Variants in TNN observed in about 807,000 individuals in gnomAD.
The protein encoded by TNN is tenascin-N.
TNN carries 122 observed loss-of-function variants against 134.4 expected under a neutral mutation model. The ratio of observed to expected loss-of-function variants is 0.91; its 90% CI spans 0.78 to 1.06. The LOEUF (loss-of-function observed/expected upper bound fraction) is 1.06, where lower values mean the gene tolerates loss of function less well. Ranked by LOEUF, TNN falls within the 50% of genes least tolerant of loss-of-function variation. The pLI is 0.00. For missense variants in TNN, 1,739 were observed against 1,699.4 expected, an observed-to-expected ratio of 1.02 and a Z score of -0.41; for synonymous variants, 710 against 670.3, an observed-to-expected ratio of 1.06 and a Z score of -0.91.
At position 175,077,516 on chromosome 1, in the gene TNN, G is replaced by A. The variant is rs199897051; in HGVS notation, c.98G>A (p.Cys33Tyr). ...CCAGCCACTCTGGAGCCTCCCGGCT[G>A]CAGCAACAAGGAGCAACAGGTCACT... ...SAPATLEPPG[C>Y]SNKEQQVTVS... The change falls in exon 2 of 19, where the codon TGC (cysteine) becomes TAC (tyrosine). Residue 33 changes from cysteine to tyrosine, a missense_variant. Cys to Tyr is a radical substitution (Grantham distance 194). Transcript: ENST00000239462. 319 of 1,614,034 alleles carry A rather than the reference G, an allele frequency of 2.0e-4. 2 individuals carry two copies. The Admixed American group carries it at 5.3e-3, about 27-fold the overall frequency.
intron 9 of TNN, among the ~76,000 whole-genome samples, chr1:175,107,416 G>A (rs1674888769): frequency 6.9e-6 from 1 of 144,468 alleles, no homozygotes; most frequent in African/African-American, 2.5e-5. Flanking sequence ...CAGGAGTGAA[G>A]CTGCAGACCT....
chr1:175,128,185 C>G (rs1417074184), intron 14 of TNN, 21 bp downstream of exon 14: 1 of 1,567,764 alleles, frequency 6.4e-7, no homozygotes, highest in East Asian at 2.3e-5. Flanking sequence ...ATCCTGTACT[C>G]TGAACGACCG....
chr1:175,117,008 C>A lies in TNN; in HGVS notation c.2189C>A (p.Pro730Gln). ...AATATGGCCACTGTCTCCTGGGACC[C>A]GGTGCGGGCCACCATTGACAGGTAT... ...TENMATVSWDPVRATIDRYVV... is the reference protein window; with the variant it reads ...TENMATVSWDQVRATIDRYVV... Residue 730 changes from proline to glutamine, a missense_variant, in exon 10 of 19, where the codon CCG becomes CAG. Pro to Gln is a moderately conservative substitution (Grantham distance 76). Coordinates refer to ENST00000239462, the MANE Select transcript of TNN (RefSeq NM_022093.2). The A allele has an allele frequency of 6.2e-7, 1 of 1,614,214 alleles. No homozygotes were observed. Among genetic ancestry groups the A allele is most frequent in the Non-Finnish European group, 8.5e-7 (1 of 1,180,042 alleles).
rs912943516 is a variant in TNN, at chr1:175,094,081, G to A, written c.1416G>A (p.Lys472=). 8 of 1,614,106 alleles carry A rather than the reference G, an allele frequency of 5.0e-6. No homozygotes were observed. The highest frequency in any genetic ancestry group is 5.1e-6 in the Non-Finnish European group (6 of 1,180,038). The change falls in exon 7 of 19, where the codon AAG becomes AAA. Residue 472 remains lysine, a synonymous_variant. Transcript: ENST00000239462. ...SWDPVQAVID[K]YVVRYTSADG... is the part of the protein sequence containing the mutation. The stretch of plus-strand genomic sequence containing the variant: ...ACCCAGTGCAGGCTGTCATAGACAA[G>A]TATGTAGTGCGCTACACTTCTGCTG...
At chr1:175,110,611 T>C (rs12751601) in intron 9 of TNN, among the ~76,000 whole-genome samples, 2,957 of 152,348 alleles carry the variant, frequency 0.019, 39 homozygotes, top group Middle Eastern at 0.044. Context: ...TAGAACTATT[T>C]ATTGATGAGC....
At chr1:175,101,094 G>A (rs992557608) in intron 9 of TNN, among the ~76,000 whole-genome samples, 10 of 152,180 alleles carry the variant, frequency 6.6e-5, no homozygotes, top group African/African-American at 9.7e-5. Flanking sequence ...GAATTGGTGG[G>A]TTCTTGGTCT....
chr1:175,123,453 A>T lies in TNN; in HGVS notation c.2704A>T (p.Thr902Ser), dbSNP rs1675429037. The T allele has an allele frequency of 1.2e-6, 2 of 1,614,224 alleles. No homozygotes were observed. The highest frequency in any genetic ancestry group is 1.7e-6 in the Non-Finnish European group (2 of 1,180,042). ...TGACTGGGTGACGGAGAATATGGCC[A>T]CTGTCTCCTGGGACCCGGTTCAGGC... ...VTDWVTENMA[T>S]VSWDPVQATI... Residue 902 changes from threonine to serine, a missense_variant, in exon 12 of 19, where the codon ACT becomes TCT. Transcript: ENST00000239462.
Position 175,079,632 on chromosome 1 carries a change from T to C in TNN, c.709T>C (p.Cys237Arg), listed in dbSNP as rs1421363803. Residue 237 changes from cysteine (C) to arginine (R), a missense_variant, in exon 3 of 19, where the codon TGC (cysteine) becomes CGC (arginine). By Grantham distance (180) the Cys-to-Arg change is radical. Coordinates refer to ENST00000239462, the MANE Select transcript of TNN (RefSeq NM_022093.2). ...DCSEKRCPGD[C>R]SGHGFCDTGE... ...CAGCGAGAAGCGCTGTCCCGGCGAC[T>C]GCAGCGGCCACGGCTTCTGTGACAC... is the stretch of plus-strand genomic sequence containing the variant. 6.2e-7 allele frequency: 1 copy of C among 1,607,082 alleles called. No individual in the cohort carries two copies. The highest frequency in any genetic ancestry group is 1.1e-5 in the South Asian group (1 of 89,996).
At chr1:175,093,070 C>T (rs547604474) in intron 6 of TNN, among the ~76,000 whole-genome samples, 1 of 152,330 alleles carries the variant, frequency 6.6e-6, no homozygotes, top group South Asian at 2.1e-4. Context: ...TTTCAAAGCC[C>T]CCAGAGACTT....
intron 12 of TNN, among the ~76,000 whole-genome samples, chr1:175,126,101 T>TTCC (rs1334368727): frequency 1.4e-4 from 7 of 51,220 alleles, no homozygotes; most frequent in Non-Finnish European, 2.0e-4. Flanking sequence ...TTTTTGTTTC[T>TTCC]TTCTTTTTTT....
intron 9 of TNN, among the ~76,000 whole-genome samples, chr1:175,113,808 G>C (rs1012304110): frequency 6.6e-6 from 1 of 151,546 alleles, no homozygotes; most frequent in African/African-American, 2.4e-5. Context: ...TTATCTTCAA[G>C]TTCAGAGATC....
chr1:175,093,725 T>C (rs1250194277), intron 6 of TNN, among the ~76,000 whole-genome samples: 1 of 152,184 alleles, frequency 6.6e-6, no homozygotes, highest in African/African-American at 2.4e-5. Context: ...TAGAAGGAGT[T>C]ACATTTGAAG....
intron 17 of TNN, among the ~76,000 whole-genome samples, chr1:175,142,358 C>T (rs1675960453): frequency 6.6e-6 from 1 of 152,180 alleles, no homozygotes; most frequent in Non-Finnish European, 1.5e-5. Flanking sequence ...TGCATATTCA[C>T]CCCACCCACT....
At chr1:175,101,717 T>A (rs1674728915) in intron 9 of TNN, among the ~76,000 whole-genome samples, 2 of 147,936 alleles carry the variant, frequency 1.4e-5, no homozygotes, top group South Asian at 4.6e-4. Context: ...ATACAGAGTG[T>A]CGATTGGTGC....
At position 175,117,003 on chromosome 1, in the gene TNN, G is replaced by C. The variant is rs1675198083; in HGVS notation, c.2184G>C (p.Trp728Cys). ...CAGAGAATATGGCCACTGTCTCCTG[G>C]GACCCGGTGCGGGCCACCATTGACA... ...RVTENMATVS[W>C]DPVRATIDRY... The change falls in exon 10 of 19, where the codon TGG becomes TGC. Residue 728 changes from tryptophan (W) to cysteine (C), a missense_variant. Trp to Cys is a radical substitution (Grantham distance 215, BLOSUM62 -2). Transcript: ENST00000239462. 1.2e-6 allele frequency: 2 copies of C among 1,614,206 alleles called. No individual in the cohort carries two copies. The highest frequency in any genetic ancestry group is 4.5e-5 in the East Asian group (2 of 44,880).
intron 8 of TNN, 41 bp downstream of exon 8, chr1:175,097,724 T>C (rs1322944961): frequency 1.9e-6 from 3 of 1,611,958 alleles, no homozygotes; most frequent in Non-Finnish European, 1.7e-6. Context: ...GAGTTTTAGC[T>C]TGTGGATTTG....
Position 175,094,245 on chromosome 1 carries a change from C to A in TNN, c.1580C>A (p.Ala527Asp), listed in dbSNP as rs1258898220. ...NQGSKKADTN[A>D]LTEIDSPANL... is the part of the protein sequence containing the mutation. The stretch of plus-strand genomic sequence containing the variant: ...GGGAGCAAGAAAGCTGACACCAATG[C>A]CCTCACAGGTAACAGAAGGACGGGA... The change falls in exon 7 of 19, where the codon GCC becomes GAC. Residue 527 changes from alanine (A) to aspartate (D), a missense_variant. Physicochemically the swap from Ala to Asp is moderately radical, Grantham distance 126. Coordinates refer to ENST00000239462, the MANE Select transcript of TNN (RefSeq NM_022093.2). The A allele has an allele frequency of 6.3e-7, 1 of 1,590,610 alleles. No individual in the cohort carries two copies. Among genetic ancestry groups the A allele is most frequent in the East Asian group, 2.3e-5 (1 of 44,254 alleles).
chr1:175,111,004 G>C (rs535768361), intron 9 of TNN, among the ~76,000 whole-genome samples: 1 of 151,128 alleles, frequency 6.6e-6, no homozygotes, highest in Non-Finnish European at 1.5e-5. Context: ...GTGAAACCCT[G>C]TTTCTACTAA....
chr1:175,131,258 A>C (rs1169239194), intron 15 of TNN, among the ~76,000 whole-genome samples: 1 of 152,160 alleles, frequency 6.6e-6, no homozygotes. Flanking sequence ...TGTTTCAAAT[A>C]TTTCCATCTT....
Sources: allele counts gnomAD v4.1 joint callset (sites outside exome capture counted in the v4.1 genomes callset), GRCh38; gene constraint gnomAD v4.1.1; transcripts MANE v1.5; gene names NCBI Gene and HGNC (gene_info 2026-07-23, HGNC 2026-07-21).